Variants in ASTN1 observed in about 807,000 individuals in gnomAD.
ASTN1 encodes astrotactin 1.
Under a neutral mutation model 140.7 loss-of-function variants are expected in ASTN1, and 41 were observed. The observed-to-expected ratio is 0.29, with a 90% CI of 0.23 to 0.38. The LOEUF is 0.38. ASTN1 is among the 10% of genes least tolerant of loss of function. The pLI is 1.00. For synonymous variants in ASTN1, 640 were observed against 652.2 expected (o/e 0.98, Z 0.29); for missense variants, 1,479 against 1,678.8 (o/e 0.88, Z 2.08).
At chr1:176,982,345 T>C (rs1480942238) in intron 8 of ASTN1, among the ~76,000 whole-genome samples, 11 of 152,198 alleles carry the variant, frequency 7.2e-5, no homozygotes, top group Admixed American at 7.2e-4. Context: ...ATGAAGGGAA[T>C]GCCTTTATGG....
chr1:177,057,310 C>A (rs1453176440), intron 2 of ASTN1, among the ~76,000 whole-genome samples: 1 of 152,196 alleles, frequency 6.6e-6, no homozygotes, highest in Non-Finnish European at 1.5e-5. Context: ...TTATACTGGG[C>A]ATGGTATAAA....
At chr1:176,954,718 A>G (rs1055637324) in intron 11 of ASTN1, among the ~76,000 whole-genome samples, 1 of 152,232 alleles carries the variant, frequency 6.6e-6, no homozygotes, top group Non-Finnish European at 1.5e-5. Context: ...AGAGCTGGTC[A>G]TCAGCAGTGG....
chr1:177,005,765 G>A (rs537544203), intron 8 of ASTN1, among the ~76,000 whole-genome samples: 1 of 152,154 alleles, frequency 6.6e-6, no homozygotes, highest in Non-Finnish European at 1.5e-5. Flanking sequence ...CCGCCACCAC[G>A]CCCAGCTAAT....
At chr1:177,102,694 CTT>C (rs1468965397) in intron 1 of ASTN1, among the ~76,000 whole-genome samples, 1 of 152,170 alleles carries the variant, frequency 6.6e-6, no homozygotes, top group Admixed American at 6.5e-5. Context: ...GACTAATACT[CTT>C]TTATAAATGA....
chr1:176,958,066 G>T (rs1002814556), intron 10 of ASTN1, among the ~76,000 whole-genome samples: 4 of 152,170 alleles, frequency 2.6e-5, no homozygotes, highest in African/African-American at 9.7e-5. Context: ...ACTCAGGCAA[G>T]GAAATTAACA....
intron 17 of ASTN1, among the ~76,000 whole-genome samples, chr1:176,893,622 T>C (rs1175988570): frequency 6.6e-6 from 1 of 152,178 alleles, no homozygotes; most frequent in Non-Finnish European, 1.5e-5. Flanking sequence ...CAGGTGTTCC[T>C]TAAGGAGAAA....
At chr1:177,030,477 T>A in intron 4 of ASTN1, among the ~76,000 whole-genome samples, 1 of 152,242 alleles carries the variant, frequency 6.6e-6, no homozygotes, top group South Asian at 2.1e-4. Flanking sequence ...TGCTAGGTAG[T>A]TAACCAATTC....
At chr1:176,981,309 A>C (rs976209509) in intron 8 of ASTN1, 9 of 152,104 alleles carry the variant, frequency 5.9e-5, no homozygotes, top group African/African-American at 1.9e-4. Context: ...AGCTTAAGGA[A>C]AGAAACAAGT....
chr1:177,080,069 T>C (rs1464696981), intron 1 of ASTN1, among the ~76,000 whole-genome samples: 2 of 152,104 alleles, frequency 1.3e-5, no homozygotes, highest in Non-Finnish European at 2.9e-5. Context: ...TGAGATACAA[T>C]GAATGCTGTG....
intron 1 of ASTN1, among the ~76,000 whole-genome samples, chr1:177,149,843 TATAC>T (rs1288100121): frequency 1.5e-5 from 2 of 129,996 alleles, no homozygotes; most frequent in African/African-American, 6.2e-5. Context: ...AGTAAATATA[TATAC>T]AGTGTATATA....
intron 8 of ASTN1, among the ~76,000 whole-genome samples, chr1:177,006,440 G>C (rs1461933216): frequency 6.6e-6 from 1 of 151,124 alleles, no homozygotes; most frequent in Non-Finnish European, 1.5e-5. Flanking sequence ...AAACTCCAAA[G>C]CCAGGAAAAA....
chr1:176,905,820 A>T (rs981820552), intron 16 of ASTN1, among the ~76,000 whole-genome samples: 3 of 152,156 alleles, frequency 2.0e-5, no homozygotes, highest in Admixed American at 6.5e-5. Context: ...CCCAGCCTTA[A>T]TGAAGCTTTC....
At chr1:177,135,212 C>A (rs527852058) in intron 1 of ASTN1, among the ~76,000 whole-genome samples, 1 of 152,208 alleles carries the variant, frequency 6.6e-6, no homozygotes, top group East Asian at 1.9e-4. Context: ...TGGCCCTGAA[C>A]CAGCTCGATG....
intron 1 of ASTN1, among the ~76,000 whole-genome samples, chr1:177,076,198 G>A (rs1377681568): frequency 1.4e-5 from 2 of 147,142 alleles, no homozygotes; most frequent in African/African-American, 5.0e-5. Context: ...AGAATCACTT[G>A]AACCTGGGAG....
At chr1:176,908,097 A>G (rs1670075034) in intron 16 of ASTN1, among the ~76,000 whole-genome samples, 1 of 151,690 alleles carries the variant, frequency 6.6e-6, no homozygotes, top group South Asian at 2.1e-4. Context: ...AGCTTCTGCC[A>G]CCAGGACTTC....
chr1:177,030,412 T>G (rs765556980), intron 4 of ASTN1, among the ~76,000 whole-genome samples: 9 of 152,342 alleles, frequency 5.9e-5, no homozygotes, highest in South Asian at 2.1e-4. Flanking sequence ...TTAACAAATA[T>G]AGATCTATAT....
Position 176,934,271 on chromosome 1 carries a change from T to C in ASTN1, c.2552A>G (p.Gln851Arg), listed in dbSNP as rs1245976593. ...SRADFVALLD[Q>R]FGNHYIQEAI... ...TTCCTGGATGTAATGGTTGCCGAAC[T>C]GGTCCAACAGCGCCACAAAATCTGC... Residue 851 changes from glutamine (Q) to arginine (R), a missense_variant, in exon 16 of 23, where the codon CAG (glutamine) becomes CGG (arginine). Coordinates refer to ENST00000361833, the MANE Select transcript of ASTN1 (RefSeq NM_004319.3). 6.2e-7 allele frequency: 1 copy of C among 1,614,012 alleles called. No homozygotes were observed.
chr1:176,935,156 A>C (rs573722739), intron 15 of ASTN1, among the ~76,000 whole-genome samples: 1 of 152,268 alleles, frequency 6.6e-6, no homozygotes, highest in Non-Finnish European at 1.5e-5. Flanking sequence ...CTAGCTTTTC[A>C]CGGTCTCCTT....
intron 16 of ASTN1, among the ~76,000 whole-genome samples, chr1:176,906,953 T>C (rs970616691): frequency 1.3e-5 from 2 of 152,096 alleles, no homozygotes; most frequent in African/African-American, 4.8e-5. Flanking sequence ...ATAGCTGGTA[T>C]AAATTAGGAG....
Sources: gnomAD v4.1 joint callset for allele counts (sites outside exome capture counted in the v4.1 genomes callset) on GRCh38, gnomAD v4.1.1 for gene constraint, MANE v1.5 for transcripts, NCBI Gene and HGNC (gene_info 2026-07-23, HGNC 2026-07-21) for gene names.